Variants in KNDC1 observed in about 807,000 individuals in gnomAD.
The protein encoded by KNDC1 is kinase non-catalytic C-lobe domain containing 1.
In KNDC1, 106 loss-of-function variants were observed where a neutral mutation model predicts 172.8. The ratio of observed to expected loss-of-function variants is 0.61; its 90% CI spans 0.52 to 0.72. The LOEUF (loss-of-function observed/expected upper bound fraction) is 0.72, where lower values mean the gene tolerates loss of function less well. Ranked by LOEUF, KNDC1 falls within the 30% of genes least tolerant of loss-of-function variation. The probability of loss-of-function intolerance (pLI) is 0.00; values close to 1 mark genes in which losing one functional copy is unlikely to be tolerated. For missense variants in KNDC1, 2,325 were observed against 2,394.5 expected (o/e 0.97, Z 0.61); for synonymous variants, 1,083 against 1,062.2 (o/e 1.02, Z -0.38).
intron 7 of KNDC1, among the ~76,000 whole-genome samples, chr10:133,189,092 G>T (rs115700164): frequency 3.9e-5 from 6 of 152,188 alleles, no homozygotes; most frequent in African/African-American, 1.4e-4. Context: ...AGCATTGCAC[G>T]GGTCTGCCCC....
At position 133,206,891 on chromosome 10, in the gene KNDC1, G is replaced by A; in HGVS notation, c.3517G>A (p.Gly1173Arg). Residue 1173 changes from glycine (G) to arginine (R), a missense_variant, in exon 19 of 30, where the codon GGG becomes AGG. Transcript: ENST00000304613. ...CAAGACCATGCTGTCCAAGCTGAAA[G>A]GGCAGCTAGAAGAAATGAAATCCAG... ...DVKTMLSKLK[G>R]QLEEMKSRVQ... The A allele has an allele frequency of 6.2e-7, 1 of 1,614,162 alleles. No individual in the cohort carries two copies.
chr10:133,194,045 G>GAAAAAA (rs1228151222), intron 9 of KNDC1, among the ~76,000 whole-genome samples: 1 of 152,022 alleles, frequency 6.6e-6, no homozygotes, highest in African/African-American at 2.4e-5. Context: ...AAATATGAAG[G>GAAAAAA]AACTCAACAA....
At chr10:133,165,180 C>A (rs1853108771) in intron 1 of KNDC1, among the ~76,000 whole-genome samples, 1 of 152,178 alleles carries the variant, frequency 6.6e-6, no homozygotes, top group Admixed American at 6.5e-5. Flanking sequence ...GCCACAGACC[C>A]CATGGAATTC....
chr10:133,187,994 G>A (rs1853969471), intron 6 of KNDC1, among the ~76,000 whole-genome samples: 2 of 150,952 alleles, frequency 1.3e-5, no homozygotes, highest in African/African-American at 4.9e-5. Context: ...CGTGGGAGTG[G>A]GATGGACAGA....
chr10:133,167,710 C>A (rs1853219629), intron 2 of KNDC1, 131 bp downstream of exon 2: 2 of 1,008,622 alleles, frequency 2.0e-6, no homozygotes, highest in Admixed American at 2.2e-5. Flanking sequence ...CCTGTGGAGA[C>A]CTTCTCTTCC....
At chr10:133,168,188 A>G (rs1047798577) in intron 2 of KNDC1, 66 bp from the exon 3 acceptor site, 105 of 1,461,310 alleles carry the variant, frequency 7.2e-5, no homozygotes, top group Non-Finnish European at 9.7e-5. Flanking sequence ...GGCCCTTCTC[A>G]GCTGGCGGGT....
At chr10:133,203,713 C>G (rs539006606) in intron 17 of KNDC1, among the ~76,000 whole-genome samples, 1 of 152,240 alleles carries the variant, frequency 6.6e-6, no homozygotes, top group Admixed American at 6.5e-5. Context: ...GTTCCTCCCC[C>G]GTCTGTCTGC....
rs529524462 is a variant in KNDC1, at chr10:133,188,286, C to T, written c.1327-253C>T. ...GGTGTATGTTGAGCTTTTCAAGGAA[C>T]GGCAGCACTGTCGTCTGCAGTGGCT... is the stretch of plus-strand genomic sequence containing the variant. On this transcript the variant is annotated intron_variant, in intron 6 of 29. Transcript: ENST00000304613. Among the ~76,000 whole-genome samples, 20 of 152,288 alleles carry T rather than the reference C, an allele frequency of 1.3e-4. No individual in the cohort carries two copies. The East Asian group carries it at 3.3e-3, about 25-fold the overall frequency.
At chr10:133,215,919 G>A (rs192057314) in intron 26 of KNDC1, among the ~76,000 whole-genome samples, 8 of 152,368 alleles carry the variant, frequency 5.3e-5, no homozygotes, top group Admixed American at 3.9e-4. Context: ...AGGGAGCTGC[G>A]GATCGCTCAG....
chr10:133,179,736 G>T (rs764614065), intron 3 of KNDC1, among the ~76,000 whole-genome samples: 1 of 152,194 alleles, frequency 6.6e-6, no homozygotes, highest in Non-Finnish European at 1.5e-5. Flanking sequence ...GATCGCAGGC[G>T]CCGTGGGAGC....
In KNDC1 at chr10:133,212,651, C is replaced by A. The variant is rs1845391636; in HGVS notation, c.4237-65C>A. 8 of 1,447,330 alleles carry A rather than the reference C, an allele frequency of 5.5e-6. No homozygotes were observed. In the East Asian group the frequency reaches 1.9e-4, roughly 34 times the overall value. 89.7% of individuals were successfully genotyped at this position (1,447,330 alleles called of 1,614,324 possible). ...TGGTCCTCACCCCCCAACCCTGCCT[C>A]CCTGGACCCCTGACCCAGAGGGGAC... On this transcript the variant is annotated intron_variant, in intron 23 of 29. Transcript: ENST00000304613.
Position 133,198,477 on chromosome 10 carries a change from G to A in KNDC1, c.2047G>A (p.Ala683Thr), listed in dbSNP as rs377023876. 5.0e-5 allele frequency: 81 copies of A among 1,606,366 alleles called. No individual in the cohort carries two copies. The highest frequency in any genetic ancestry group is 6.2e-5 in the Non-Finnish European group (73 of 1,176,588). ...EATHFKPIVL[A>T]QNASVARDQP... Reference sequence around the variant, plus strand: ...CACGCACTTCAAGCCCATTGTCCTCGCGCAGAACGCAAGTGTGGCCAGGTG... The same window carrying A: ...CACGCACTTCAAGCCCATTGTCCTCACGCAGAACGCAAGTGTGGCCAGGTG... The change falls in exon 13 of 30, where the codon GCG becomes ACG. Residue 683 changes from alanine to threonine, a missense_variant. Coordinates refer to ENST00000304613, the MANE Select transcript of KNDC1 (RefSeq NM_152643.8).
chr10:133,176,202 G>A (rs1853534300), intron 3 of KNDC1, among the ~76,000 whole-genome samples: 1 of 151,914 alleles, frequency 6.6e-6, no homozygotes, highest in Non-Finnish European at 1.5e-5. Flanking sequence ...GTGGATGTGT[G>A]GAGGATGGGT....
chr10:133,211,429 C>T lies in KNDC1; in HGVS notation c.3916C>T (p.Gln1306Ter). The change falls in exon 22 of 30, where the codon CAG (glutamine) becomes TAG (stop). Residue 1306 changes from glutamine (Q) to a stop codon, truncating the protein, a stop_gained. Transcript: ENST00000304613. LOFTEE classifies it high-confidence loss of function. ...GCTCCCCTGCGTCTCCAGGGCCCAC[C>T]AGGACCCCACCTCGACCTTCACCAA... is the stretch of plus-strand genomic sequence containing the variant. Reference protein sequence around the residue: ...RINSTLTRAHQDPTSTFTKIY... With the variant: ...RINSTLTRAH The T allele has an allele frequency of 6.2e-7, 1 of 1,610,432 alleles. No homozygotes were observed. The highest frequency in any genetic ancestry group is 1.3e-5 in the African/African-American group (1 of 74,266).
In KNDC1 at chr10:133,206,681, C is replaced by T. The variant is rs1404449362; in HGVS notation, c.3388-4C>T. The T allele has an allele frequency of 5.0e-6, 8 of 1,613,002 alleles. No homozygotes were observed. The highest frequency in any genetic ancestry group is 5.9e-6 in the Non-Finnish European group (7 of 1,179,418). On this transcript the variant is annotated splice_polypyrimidine_tract_variant and splice_region_variant and intron_variant, in intron 17 of 29. Transcript: ENST00000304613. The stretch of plus-strand genomic sequence containing the variant: ...GGGGCTTAGGCGCTGTGTTTCGTCC[C>T]CAGGAGCTGGAACAGCAGCTCATGA...
chr10:133,220,810 C>T (rs1004685428), intron 29 of KNDC1, among the ~76,000 whole-genome samples: 3 of 149,992 alleles, frequency 2.0e-5, no homozygotes, highest in African/African-American at 7.3e-5. Flanking sequence ...GGCGGGCGCG[C>T]GCCCAGGTCA....
intron 9 of KNDC1, among the ~76,000 whole-genome samples, chr10:133,191,525 C>T (rs1000793475): frequency 1.3e-5 from 2 of 152,104 alleles, no homozygotes; most frequent in Non-Finnish European, 2.9e-5. Flanking sequence ...CATGGTGAAA[C>T]CTCATCTCTA....
intron 3 of KNDC1, among the ~76,000 whole-genome samples, chr10:133,170,243 C>T (rs1853332520): frequency 6.6e-6 from 1 of 152,194 alleles, no homozygotes; most frequent in African/African-American, 2.4e-5. Flanking sequence ...GGAAGTGTGG[C>T]TCGTGGGGCA....
chr10:133,161,749 C>A lies in KNDC1; in HGVS notation c.102+1180C>A, dbSNP rs183197966. On this transcript the variant is annotated intron_variant, in intron 1 of 29. Coordinates refer to ENST00000304613, the MANE Select transcript of KNDC1 (RefSeq NM_152643.8). ...CTCGGCTCTGACCGAGAGGGAGGGGCAGCCCGCAGCCTTCAGAAACGCCCC... is the reference window on the plus strand; with the variant it reads ...CTCGGCTCTGACCGAGAGGGAGGGGAAGCCCGCAGCCTTCAGAAACGCCCC... 5.7e-3 allele frequency among the ~76,000 whole-genome samples: 863 copies of A among 152,218 alleles called. 5 individuals are homozygous for A. Among genetic ancestry groups the A allele is most frequent in the African/African-American group, 0.019 (808 of 41,554 alleles).
Sources: gnomAD v4.1 joint callset for allele counts (sites outside exome capture counted in the v4.1 genomes callset) on GRCh38, gnomAD v4.1.1 for gene constraint, MANE v1.5 for transcripts, NCBI Gene and HGNC (gene_info 2026-07-23, HGNC 2026-07-21) for gene names.